Variants in NPAS3 observed in about 807,000 individuals in gnomAD.
NPAS3 encodes neuronal PAS domain protein 3.
A neutral mutation model predicts 73.1 loss-of-function variants in NPAS3; 14 were observed. The ratio of observed to expected loss-of-function variants is 0.19; its 90% CI spans 0.13 to 0.30. NPAS3 has a LOEUF of 0.30. Among genes scored for constraint, NPAS3 ranks in the 10% least tolerant of loss-of-function variants. NPAS3 has a pLI of 1.00. For synonymous variants in NPAS3, 620 were observed against 541.5 expected (o/e 1.14, Z -2.01); for missense variants, 1,096 against 1,250.0 (o/e 0.88, Z 1.86).
chr14:33,357,336 G>A (rs935623510), intron 3 of NPAS3, among the ~76,000 whole-genome samples: 1 of 152,190 alleles, frequency 6.6e-6, no homozygotes, highest in African/African-American at 2.4e-5. Context: ...AGAAAATTCA[G>A]TGGGCAGTTG....
At chr14:32,988,648 T>A (rs184459437) in intron 1 of NPAS3, among the ~76,000 whole-genome samples, 1 of 152,158 alleles carries the variant, frequency 6.6e-6, no homozygotes, top group Non-Finnish European at 1.5e-5. Flanking sequence ...ATGGGGTGTG[T>A]CATCTTTGAG....
intron 6 of NPAS3, among the ~76,000 whole-genome samples, chr14:33,716,658 A>C (rs1171384380): frequency 6.6e-6 from 1 of 152,034 alleles, no homozygotes; most frequent in East Asian, 1.9e-4. Context: ...GGTAATCTTT[A>C]TTCTACTTTC....
intron 4 of NPAS3, among the ~76,000 whole-genome samples, chr14:33,384,738 A>T (rs951086684): frequency 2.6e-5 from 4 of 152,230 alleles, no homozygotes; most frequent in Admixed American, 2.6e-4. Flanking sequence ...CTCAAAAACC[A>T]AACAAATTTT....
intron 2 of NPAS3, among the ~76,000 whole-genome samples, chr14:33,074,485 C>T (rs1295085022): frequency 2.0e-5 from 3 of 152,090 alleles, no homozygotes; most frequent in African/African-American, 7.2e-5. Context: ...GGCATGATCT[C>T]GGCTCACTAC....
chr14:33,305,247 TTAAA>T (rs2042710587), intron 3 of NPAS3, among the ~76,000 whole-genome samples: 1 of 152,124 alleles, frequency 6.6e-6, no homozygotes, highest in African/African-American at 2.4e-5. Flanking sequence ...AGATTATTAT[TTAAA>T]TAGTCATTTT....
chr14:33,073,589 T>TA (rs1161179275), intron 2 of NPAS3, among the ~76,000 whole-genome samples: 1 of 152,126 alleles, frequency 6.6e-6, no homozygotes, highest in Non-Finnish European at 1.5e-5. Context: ...AGTTGGAACT[T>TA]AAAGCTGGCC....
chr14:33,295,315 A>G (rs139466656), intron 3 of NPAS3, among the ~76,000 whole-genome samples: 21 of 152,246 alleles, frequency 1.4e-4, no homozygotes, highest in South Asian at 8.3e-4. Context: ...GGTGTTTTCA[A>G]TTTCTGCCAT....
intron 1 of NPAS3, among the ~76,000 whole-genome samples, chr14:33,039,279 T>G (rs890403520): frequency 6.6e-6 from 1 of 152,156 alleles, no homozygotes; most frequent in African/African-American, 2.4e-5. Context: ...TCCTACAACA[T>G]AGTTACATTT....
At chr14:32,975,314 G>C (rs923079759) in intron 1 of NPAS3, among the ~76,000 whole-genome samples, 1 of 135,478 alleles carries the variant, frequency 7.4e-6, no homozygotes, top group African/African-American at 2.8e-5. Flanking sequence ...CCCTGCCTCC[G>C]TCACTCCCTG....
At chr14:33,567,694 G>A (rs192184227) in intron 5 of NPAS3, among the ~76,000 whole-genome samples, 4 of 152,322 alleles carry the variant, frequency 2.6e-5, no homozygotes, top group South Asian at 2.1e-4. Flanking sequence ...AATGCACTGC[G>A]TGGGGATGTT....
intron 5 of NPAS3, 104 bp from the exon 6 acceptor site, chr14:33,676,107 A>G: frequency 1.8e-6 from 2 of 1,110,898 alleles, no homozygotes; most frequent in Non-Finnish European, 2.6e-6. Context: ...CTGGGACCTG[A>G]ATGTATTTTC....
intron 2 of NPAS3, among the ~76,000 whole-genome samples, chr14:33,111,310 A>G (rs1409997420): frequency 6.6e-6 from 1 of 152,234 alleles, no homozygotes; most frequent in Admixed American, 6.5e-5. Context: ...TCTCAGCCCC[A>G]GCATCTAGGG....
chr14:33,160,231 A>T (rs937926474), intron 2 of NPAS3, among the ~76,000 whole-genome samples: 1 of 152,162 alleles, frequency 6.6e-6, no homozygotes, highest in African/African-American at 2.4e-5. Context: ...AAGTGATGCC[A>T]TGATCAAGTC....
intron 5 of NPAS3, among the ~76,000 whole-genome samples, chr14:33,629,282 T>C (rs2058312496): frequency 6.6e-6 from 1 of 151,852 alleles, no homozygotes; most frequent in Non-Finnish European, 1.5e-5. Context: ...AAGGAATTCT[T>C]AAGGACCCCT....
intron 2 of NPAS3, among the ~76,000 whole-genome samples, chr14:33,124,125 A>G (rs142099022): frequency 0.012 from 1,894 of 152,096 alleles, 25 homozygotes; most frequent in Middle Eastern, 0.027. Flanking sequence ...AAGTGCTAAG[A>G]TTACAGGTGT....
At chr14:33,088,789 T>C (rs1285769814) in intron 2 of NPAS3, among the ~76,000 whole-genome samples, 1 of 152,160 alleles carries the variant, frequency 6.6e-6, no homozygotes, top group Non-Finnish European at 1.5e-5. Context: ...AGGGGCACAC[T>C]GACACCTCAC....
intron 1 of NPAS3, among the ~76,000 whole-genome samples, chr14:32,961,299 C>G (rs921805042): frequency 6.6e-6 from 1 of 150,934 alleles, no homozygotes; most frequent in South Asian, 2.1e-4. Flanking sequence ...GTAGTCCCAG[C>G]TGTTCGAAAG....
At chr14:33,281,193 ACAAAG>A (rs2041589648) in intron 3 of NPAS3, among the ~76,000 whole-genome samples, 1 of 152,228 alleles carries the variant, frequency 6.6e-6, no homozygotes, top group Non-Finnish European at 1.5e-5. Context: ...AAGATAGCAA[ACAAAG>A]CAAAGACCTT....
intron 3 of NPAS3, among the ~76,000 whole-genome samples, chr14:33,220,446 A>T (rs1192134109): frequency 6.6e-6 from 1 of 152,156 alleles, no homozygotes; most frequent in Non-Finnish European, 1.5e-5. Flanking sequence ...TTTTAATTAT[A>T]TGCTGTTATA....
Sources: allele counts gnomAD v4.1 joint callset (sites outside exome capture counted in the v4.1 genomes callset), GRCh38; gene constraint gnomAD v4.1.1; transcripts MANE v1.5; gene names NCBI Gene and HGNC (gene_info 2026-07-23, HGNC 2026-07-21).